Variants in MT1H observed in about 807,000 individuals in gnomAD.
MT1H encodes the protein metallothionein-1H.
In MT1H, 8 loss-of-function variants were observed where a neutral mutation model predicts 8.7. That is an observed-to-expected ratio of 0.92 (90% confidence interval 0.54 to 1.66). The LOEUF is 1.66. MT1H is among the 40% of genes most tolerant of loss of function. The pLI is 0.00. For missense variants in MT1H, 84 were observed against 75.2 expected, an observed-to-expected ratio of 1.12 and a Z score of -0.43; for synonymous variants, 32 against 28.9, an observed-to-expected ratio of 1.11 and a Z score of -0.34.
chr16:56,669,853 G>C lies in MT1H; in HGVS notation c.-32G>C. 6.2e-7 allele frequency: 1 copy of C among 1,614,074 alleles called. No individual in the cohort carries two copies. On this transcript the variant is annotated 5_prime_UTR_variant, in exon 1 of 3. Coordinates refer to ENST00000332374, the MANE Select transcript of MT1H (RefSeq NM_005951.2). ...GTGTTCCACTGCCTCTTCTCTTCTC[G>C]CTTGGGAACTCCAGTCTCACCTCGG...
Position 56,670,492 on chromosome 16 carries a change from T to C in MT1H, c.29-14T>C. 6.2e-7 allele frequency: 1 copy of C among 1,613,980 alleles called. No homozygotes were observed. The highest frequency in any genetic ancestry group is 8.5e-7 in the Non-Finnish European group (1 of 1,180,032). On this transcript the variant is annotated splice_polypyrimidine_tract_variant and intron_variant, in intron 1 of 2. Transcript: ENST00000332374. ...TCTCACTCACAACACACTGGCTTTT[T>C]CTATTCCTTGCAGGTGGCTCCTGCG...
intron 2 of MT1H, 37 bp from the exon 3 acceptor site, chr16:56,670,861 C>G (rs369302780): frequency 2.5e-6 from 4 of 1,612,490 alleles, no homozygotes; most frequent in African/African-American, 2.7e-5. Flanking sequence ...GCTCCCTGGT[C>G]AAGTCTGCTG....
rs778866080 is a variant in MT1H at position 56,670,942 on chromosome 16, GGCT to G, written c.142_144del (p.Cys48del). 8 of 1,614,226 alleles carry G rather than the reference GGCT, an allele frequency of 5.0e-6. No individual in the cohort carries two copies. The highest frequency in any genetic ancestry group is 5.1e-6 in the Non-Finnish European group (6 of 1,180,046). On this transcript the variant is annotated inframe_deletion, in exon 3 of 3. Transcript: ENST00000332374. ...CCTGGGCTGTGCCAAGTGTGCCCAG[GGCT>G]GCATCTGCAAAGGGGCGTCAGAGAA...
chr16:56,671,072 T>C lies in MT1H; in HGVS notation c.*83T>C. The C allele has an allele frequency of 6.6e-7, 1 of 1,510,668 alleles. No individual in the cohort carries two copies. Among genetic ancestry groups the C allele is most frequent in the Non-Finnish European group, 9.0e-7 (1 of 1,115,830 alleles). The allele number at this position is 1,510,668 out of a possible 1,614,324, so 93.6% of individuals were successfully genotyped here. A position where few individuals can be genotyped will look rare whatever the true frequency, so the allele number is the denominator to read the frequency against. On this transcript the variant is annotated 3_prime_UTR_variant, in exon 3 of 3. Transcript: ENST00000332374. The stretch of plus-strand genomic sequence containing the variant: ...TTTTTTTCTACAACTCCGACTCATT[T>C]GCTACATTCCTTTTTTTCTGTGAAA...
Position 56,670,968 on chromosome 16 carries a change from G to A in MT1H, c.165G>A (p.Glu55=). The stretch of plus-strand genomic sequence containing the variant: ...GCTGCATCTGCAAAGGGGCGTCAGA[G>A]AAGTGCAGCTGCTGTGCCTGATGTC... The part of the protein sequence containing the change: ...AQGCICKGAS[E]KCSCCA The change falls in exon 3 of 3, where the codon GAG becomes GAA. Residue 55 remains glutamate (E), a synonymous_variant. Coordinates refer to ENST00000332374, the MANE Select transcript of MT1H (RefSeq NM_005951.2). 4.3e-6 allele frequency: 7 copies of A among 1,614,258 alleles called. No homozygotes were observed. The highest frequency in any genetic ancestry group is 5.9e-6 in the Non-Finnish European group (7 of 1,180,042).
intron 2 of MT1H, 138 bp downstream of exon 2, chr16:56,670,709 C>T (rs1406994834): frequency 6.5e-7 from 1 of 1,545,262 alleles, no homozygotes. Context: ...GTCCAGGGCT[C>T]CTGTGGGGCT....
chr16:56,670,794 A>G, intron 2 of MT1H, 104 bp from the exon 3 acceptor site: 1 of 1,547,300 alleles, frequency 6.5e-7, no homozygotes, highest in Admixed American at 1.7e-5. Context: ...ATCCTGAACT[A>G]AGGATCCTCT....
chr16:56,671,072 T>A lies in MT1H; in HGVS notation c.*83T>A, dbSNP rs1960867797. On this transcript the variant is annotated 3_prime_UTR_variant, in exon 3 of 3. Transcript: ENST00000332374. ...TTTTTTTCTACAACTCCGACTCATT[T>A]GCTACATTCCTTTTTTTCTGTGAAA... The A allele has an allele frequency of 2.0e-6, 3 of 1,510,668 alleles. No homozygotes were observed. The highest frequency in any genetic ancestry group is 4.3e-5 in the Admixed American group (2 of 46,326). 93.6% of individuals were successfully genotyped at this position (1,510,668 alleles called of 1,614,324 possible).
chr16:56,669,846 T>C lies in MT1H; in HGVS notation c.-39T>C, dbSNP rs1254986895. 4 of 1,613,900 alleles carry C rather than the reference T, an allele frequency of 2.5e-6. No homozygotes were observed. Among genetic ancestry groups the C allele is most frequent in the Non-Finnish European group, 3.4e-6 (4 of 1,179,992 alleles). On this transcript the variant is annotated 5_prime_UTR_variant, in exon 1 of 3. Coordinates refer to ENST00000332374, the MANE Select transcript of MT1H (RefSeq NM_005951.2). ...CCTCCACGTGTTCCACTGCCTCTTC[T>C]CTTCTCGCTTGGGAACTCCAGTCTC...
intron 2 of MT1H, 31 bp from the exon 3 acceptor site, chr16:56,670,867 T>G (rs766474741): frequency 6.2e-7 from 1 of 1,613,318 alleles, no homozygotes; most frequent in Non-Finnish European, 8.5e-7. Flanking sequence ...TGGTCAAGTC[T>G]GCTGTGACTT....
intron 1 of MT1H, 127 bp downstream of exon 1, chr16:56,670,039 G>C: frequency 7.5e-7 from 1 of 1,339,162 alleles, no homozygotes; most frequent in Non-Finnish European, 1.1e-6. Flanking sequence ...TTCCTCCGCT[G>C]CTTTCCTCTT....
intron 1 of MT1H, 127 bp downstream of exon 1, chr16:56,670,039 G>A: frequency 7.5e-7 from 1 of 1,339,158 alleles, no homozygotes; most frequent in Non-Finnish European, 1.1e-6. Context: ...TTCCTCCGCT[G>A]CTTTCCTCTT....
In MT1H at chr16:56,671,014, T is replaced by A. The variant is rs770170069; in HGVS notation, c.*25T>A. The A allele has an allele frequency of 1.9e-6, 3 of 1,605,662 alleles. No homozygotes were observed. In the Admixed American group the frequency reaches 5.2e-5, roughly 28 times the overall value. ...ATGTCGGGACAGCCCTGCTGTCAGA[T>A]GAAAACAGAATGACACGTAAAATCC... On this transcript the variant is annotated 3_prime_UTR_variant, in exon 3 of 3. Coordinates refer to ENST00000332374, the MANE Select transcript of MT1H (RefSeq NM_005951.2).
rs9934181 is a variant in MT1H at position 56,670,526 on chromosome 16, G to A, written c.49G>A (p.Gly17Ser). ...CEAGGSCACA[G>S]SCKCKKCKCT... ...TGCAGGTGGCTCCTGCGCCTGCGCC[G>A]GCTCCTGCAAGTGCAAAAAGTGCAA... Residue 17 changes from glycine (G) to serine (S), a missense_variant, in exon 2 of 3, where the codon GGC becomes AGC. By Grantham distance (56) the Gly-to-Ser change is moderately conservative. Coordinates refer to ENST00000332374, the MANE Select transcript of MT1H (RefSeq NM_005951.2). The A allele has an allele frequency of 5.9e-3, 9,491 of 1,614,198 alleles. 382 individuals are homozygous for A. The African/African-American group carries it at 0.098, about 17-fold the overall frequency.
In MT1H at chr16:56,670,565, A is replaced by G. The variant is rs2144355423; in HGVS notation, c.88A>G (p.Lys30Glu). Residue 30 changes from lysine to glutamate, a missense_variant, in exon 2 of 3, where the codon AAG becomes GAG. By Grantham distance (56) the Lys-to-Glu change is moderately conservative. Transcript: ENST00000332374. ...KCKKCKCTSCKKSCCSCCPLG... is the reference protein window; with the variant it reads ...KCKKCKCTSCEKSCCSCCPLG... The stretch of plus-strand genomic sequence containing the variant: ...CAAAAAGTGCAAATGCACCTCCTGC[A>G]AGAAGAGTGAGTGCGGGGCCATCTC... The G allele has an allele frequency of 3.7e-6, 6 of 1,614,228 alleles. No individual in the cohort carries two copies. The highest frequency in any genetic ancestry group is 5.1e-6 in the Non-Finnish European group (6 of 1,180,042).
Position 56,670,563 on chromosome 16 carries a change from G to T in MT1H, c.86G>T (p.Cys29Phe). The change falls in exon 2 of 3, where the codon TGC (cysteine) becomes TTC (phenylalanine). Residue 29 changes from cysteine to phenylalanine, a missense_variant. Transcript: ENST00000332374. ...CKCKKCKCTS[C>F]KKSCCSCCPL... ...TGCAAAAAGTGCAAATGCACCTCCT[G>T]CAAGAAGAGTGAGTGCGGGGCCATC... 1.2e-6 allele frequency: 2 copies of T among 1,614,258 alleles called. No individual in the cohort carries two copies. The highest frequency in any genetic ancestry group is 1.1e-5 in the South Asian group (1 of 91,090).
At chr16:56,670,695 C>T (rs2144355607) in intron 2 of MT1H, 124 bp downstream of exon 2, 2 of 1,571,528 alleles carry the variant, frequency 1.3e-6, no homozygotes, top group Non-Finnish European at 1.7e-6. Flanking sequence ...CAGTCTTCTG[C>T]TCTGTCCAGG....
intron 1 of MT1H, 47 bp from the exon 2 acceptor site, chr16:56,670,459 C>T (rs1212358063): frequency 9.9e-6 from 16 of 1,613,842 alleles, no homozygotes; most frequent in Non-Finnish European, 1.1e-5. Context: ...ACTGCTGTAA[C>T]TTCTGCATCT....
chr16:56,670,655 C>G lies in MT1H; in HGVS notation c.94+84C>G, dbSNP rs768982374. 10 of 1,606,730 alleles carry G rather than the reference C, an allele frequency of 6.2e-6. No individual in the cohort carries two copies. In the African/African-American group the frequency reaches 8.0e-5, roughly 13 times the overall value. On this transcript the variant is annotated intron_variant, in intron 2 of 2. Transcript: ENST00000332374. ...AAGGCTGGCCCTGAGTGCCTGCTTCCTTTGTCCCCCTAGGCCGTCACTGCC... is the reference window on the plus strand; with the variant it reads ...AAGGCTGGCCCTGAGTGCCTGCTTCGTTTGTCCCCCTAGGCCGTCACTGCC...
Sources: allele counts gnomAD v4.1 joint callset, GRCh38; gene constraint gnomAD v4.1.1; transcripts MANE v1.5; gene names NCBI Gene and HGNC (gene_info 2026-07-23, HGNC 2026-07-21).